The following LRRC7 variants were observed in gnomAD, a reference collection of about 807,000 sequenced individuals.
LRRC7 encodes the protein leucine rich repeat containing 7.
Under a neutral mutation model 175.7 loss-of-function variants are expected in LRRC7, and 23 were observed. The observed-to-expected ratio is 0.13, with a 90% CI of 0.09 to 0.19. The LOEUF is 0.19. Ranked by LOEUF, LRRC7 falls within the 10% of genes least tolerant of loss-of-function variation. The pLI is 1.00. For synonymous variants in LRRC7, 685 were observed against 680.9 expected, an observed-to-expected ratio of 1.01 and a Z score of -0.09; for missense variants, 1,354 against 1,904.7, an observed-to-expected ratio of 0.71 and a Z score of 5.38.
At chr1:69,959,374 C>CCTTGT (rs1650819998) in intron 8 of LRRC7, among the ~76,000 whole-genome samples, 2 of 151,888 alleles carry the variant, frequency 1.3e-5, no homozygotes, top group Non-Finnish European at 2.9e-5. Flanking sequence ...GTAAATTTAG[C>CCTTGT]CTATCAGTGA....
rs545641480 is a variant in LRRC7, at chr1:69,735,672, C to T, written c.101-24519C>T. Among the ~76,000 whole-genome samples, 22 of 152,208 alleles carry T rather than the reference C, an allele frequency of 1.4e-4. 1 individual carries two copies. In the South Asian group the frequency reaches 4.3e-3, roughly 30 times the overall value. On this transcript the variant is annotated intron_variant, in intron 2 of 26. Coordinates refer to ENST00000651989, the MANE Select transcript of LRRC7 (RefSeq NM_001370785.2). ...TTTTTTACCCAATAGTTATAACTTC[C>T]ATTGATGGTCCTTGACTGAATTCTC...
chr1:69,665,616 C>G (rs548771714), intron 1 of LRRC7, among the ~76,000 whole-genome samples: 1 of 151,768 alleles, frequency 6.6e-6, no homozygotes, highest in South Asian at 2.1e-4. Context: ...TTAATTCTGT[C>G]TCAGATTGTT....
intron 4 of LRRC7, among the ~76,000 whole-genome samples, chr1:69,804,150 G>T (rs556115699): frequency 6.6e-6 from 1 of 151,212 alleles, no homozygotes; most frequent in Non-Finnish European, 1.5e-5. Flanking sequence ...GAAATACATT[G>T]CAGACTACAT....
chr1:69,725,372 A>T (rs746690956), intron 2 of LRRC7, among the ~76,000 whole-genome samples: 1 of 152,162 alleles, frequency 6.6e-6, no homozygotes, highest in Non-Finnish European at 1.5e-5. Flanking sequence ...GGTCAACTGT[A>T]CTAACTCCAA....
intron 2 of LRRC7, among the ~76,000 whole-genome samples, chr1:69,759,785 T>C (rs145644109): frequency 1.3e-3 from 205 of 152,182 alleles, no homozygotes; most frequent in Non-Finnish European, 2.7e-3. Flanking sequence ...GAAATGTTTT[T>C]TTCCGCAAAT....
intron 13 of LRRC7, among the ~76,000 whole-genome samples, chr1:70,015,752 T>G (rs1032745222): frequency 6.6e-6 from 1 of 152,190 alleles, no homozygotes; most frequent in African/African-American, 2.4e-5. Flanking sequence ...GAAGTGCTAA[T>G]TTTTTAAAGA....
chr1:69,773,666 G>A (rs1243939036), intron 3 of LRRC7, among the ~76,000 whole-genome samples: 2 of 152,072 alleles, frequency 1.3e-5, no homozygotes, highest in African/African-American at 4.8e-5. Context: ...AGAAGAAACC[G>A]AAAAGACAGA....
intron 4 of LRRC7, among the ~76,000 whole-genome samples, chr1:69,795,870 A>C (rs989087192): frequency 6.6e-6 from 1 of 151,984 alleles, no homozygotes; most frequent in Non-Finnish European, 1.5e-5. Flanking sequence ...TATTGTGTAC[A>C]GAAAGATATC....
intron 8 of LRRC7, among the ~76,000 whole-genome samples, chr1:69,943,270 C>T (rs994765831): frequency 4.0e-5 from 6 of 151,470 alleles, no homozygotes; most frequent in East Asian, 1.9e-4. Context: ...TATTCAGCAA[C>T]GAAAAAAAAT....
intron 2 of LRRC7, among the ~76,000 whole-genome samples, chr1:69,739,292 G>A (rs1668454578): frequency 6.6e-6 from 1 of 152,036 alleles, no homozygotes; most frequent in South Asian, 2.1e-4. Context: ...GCCTTGCTGG[G>A]GGCTCGCAGA....
chr1:69,740,315 A>G (rs931296186), intron 2 of LRRC7, among the ~76,000 whole-genome samples: 1 of 151,984 alleles, frequency 6.6e-6, no homozygotes, highest in Non-Finnish European at 1.5e-5. Flanking sequence ...CTGTGTCCTC[A>G]TGGGGACTTT....
chr1:70,078,520 A>C (rs2102136816), intron 24 of LRRC7, among the ~76,000 whole-genome samples: 1 of 152,228 alleles, frequency 6.6e-6, no homozygotes, highest in Middle Eastern at 3.4e-3. Flanking sequence ...CCAGCACACC[A>C]CTGACTACTA....
At chr1:70,105,431 G>A (rs985096788) in intron 25 of LRRC7, among the ~76,000 whole-genome samples, 1 of 152,050 alleles carries the variant, frequency 6.6e-6, no homozygotes, top group Non-Finnish European at 1.5e-5. Context: ...AAAATCTGAT[G>A]TCCCATTACT....
Position 70,126,187 on chromosome 1 carries a change from GAAATAGGA to G in LRRC7, c.*4301_*4308del, listed in dbSNP as rs1055668551. 6.6e-6 allele frequency among the ~76,000 whole-genome samples: 1 copy of G among 152,050 alleles called. No homozygotes were observed. The highest frequency in any genetic ancestry group is 2.4e-5 in the African/African-American group (1 of 41,406). ...ACATAACCAGGTCAAAAGCCATACTGAAATAGGACTACCACTCAAAGTCTTTGATAAAT... is the reference window on the plus strand; with the variant it reads ...ACATAACCAGGTCAAAAGCCATACTGCTACCACTCAAAGTCTTTGATAAAT... On this transcript the variant is annotated 3_prime_UTR_variant, in exon 27 of 27. Coordinates refer to ENST00000651989, the MANE Select transcript of LRRC7 (RefSeq NM_001370785.2).
intron 7 of LRRC7, among the ~76,000 whole-genome samples, chr1:69,855,361 T>G (rs538418534): frequency 6.6e-6 from 1 of 152,254 alleles, no homozygotes; most frequent in Admixed American, 6.5e-5. Context: ...ACATCTTTAT[T>G]TCTGCCTTCA....
chr1:69,965,712 G>C (rs560874074), intron 8 of LRRC7, among the ~76,000 whole-genome samples: 74 of 152,228 alleles, frequency 4.9e-4, no homozygotes, highest in African/African-American at 1.8e-3. Context: ...AGTAGGGTCA[G>C]ACCTTATGGT....
chr1:69,875,124 A>G (rs1325223110), intron 7 of LRRC7: 2 of 152,108 alleles, frequency 1.3e-5, no homozygotes, highest in African/African-American at 4.8e-5. Context: ...TTTAGAGATT[A>G]CTTAAAAAGA....
intron 4 of LRRC7, among the ~76,000 whole-genome samples, chr1:69,815,620 CA>C (rs1249427566): frequency 6.6e-6 from 1 of 152,180 alleles, no homozygotes; most frequent in Non-Finnish European, 1.5e-5. Context: ...ATTCACTTAT[CA>C]AAATTATTCT....
chr1:69,679,019 T>C, intron 2 of LRRC7, among the ~76,000 whole-genome samples: 1 of 152,116 alleles, frequency 6.6e-6, no homozygotes, highest in African/African-American at 2.4e-5. Context: ...ATAGATACCA[T>C]GAATCTCAAT....
Sources: allele counts gnomAD v4.1 joint callset (sites outside exome capture counted in the v4.1 genomes callset), GRCh38; gene constraint gnomAD v4.1.1; transcripts MANE v1.5; gene names NCBI Gene and HGNC (gene_info 2026-07-23, HGNC 2026-07-21).